Variants in NDUFAF6 observed in about 807,000 individuals in gnomAD.
NDUFAF6 encodes the protein NADH:ubiquinone oxidoreductase complex assembly factor 6.
In NDUFAF6, 45 loss-of-function variants were observed where a neutral mutation model predicts 40.8. The observed-to-expected ratio is 1.10, with a 90% CI of 0.87 to 1.42. The LOEUF is 1.42. Among genes scored for constraint, NDUFAF6 ranks in the 40% most tolerant of loss-of-function variants. The probability of loss-of-function intolerance (pLI) is 0.00; values close to 1 mark genes in which losing one functional copy is unlikely to be tolerated. For synonymous variants in NDUFAF6, 185 were observed against 155.9 expected (o/e 1.19, Z -1.39); for missense variants, 435 against 418.5 (o/e 1.04, Z -0.34).
chr8:94,900,084 A>G (rs1275372286), intron 1 of NDUFAF6, among the ~76,000 whole-genome samples: 2 of 152,102 alleles, frequency 1.3e-5, no homozygotes, highest in Non-Finnish European at 2.9e-5. Context: ...CCCTGTTCTG[A>G]AGTAGGACTT....
intron 1 of NDUFAF6, among the ~76,000 whole-genome samples, chr8:94,940,445 CTG>C (rs60473555): frequency 0.028 from 4,212 of 150,380 alleles, 91 homozygotes; most frequent in African/African-American, 0.056. Flanking sequence ...CACAGAAATT[CTG>C]TGTGTGTGTG....
chr8:95,034,300 G>A (rs1829222400), intron 2 of NDUFAF6, among the ~76,000 whole-genome samples: 1 of 152,084 alleles, frequency 6.6e-6, no homozygotes, highest in South Asian at 2.1e-4. Context: ...TAAGAATAAG[G>A]ATAATCTCTT....
At chr8:94,909,503 G>A (rs887551189) in intron 1 of NDUFAF6, among the ~76,000 whole-genome samples, 1 of 151,716 alleles carries the variant, frequency 6.6e-6, no homozygotes, top group South Asian at 2.1e-4. Flanking sequence ...GTGGGCGTCT[G>A]TAATCCTAGC....
chr8:94,923,656 C>T (rs1819650788), intron 1 of NDUFAF6, among the ~76,000 whole-genome samples: 2 of 151,378 alleles, frequency 1.3e-5, no homozygotes, highest in South Asian at 4.2e-4. Flanking sequence ...TGAAGTGTAG[C>T]TTACAATAGA....
chr8:95,011,195 G>A (rs1419858499), intron 2 of NDUFAF6, among the ~76,000 whole-genome samples: 6 of 152,180 alleles, frequency 3.9e-5, no homozygotes, highest in Non-Finnish European at 8.8e-5. Context: ...AGTGACACGT[G>A]CTAGCCACAC....
At chr8:95,002,820 C>G (rs563015049) in intron 2 of NDUFAF6, among the ~76,000 whole-genome samples, 1 of 152,198 alleles carries the variant, frequency 6.6e-6, no homozygotes, top group East Asian at 1.9e-4. Context: ...ATACAATTGA[C>G]AAGTCCAGGA....
At chr8:94,907,055 T>G (rs748363418) in intron 1 of NDUFAF6, among the ~76,000 whole-genome samples, 2 of 152,224 alleles carry the variant, frequency 1.3e-5, no homozygotes, top group Admixed American at 1.3e-4. Context: ...AAGTCCTTCA[T>G]GAAGCTTTCC....
chr8:94,915,597 T>C (rs1315413034), intron 1 of NDUFAF6, among the ~76,000 whole-genome samples: 1 of 152,206 alleles, frequency 6.6e-6, no homozygotes, highest in Non-Finnish European at 1.5e-5. Context: ...GTATTGGGAT[T>C]GTTGGGTCGA....
chr8:94,953,324 C>G (rs554456114), upstream of NDUFAF6, among the ~76,000 whole-genome samples: 1 of 146,242 alleles, frequency 6.8e-6, no homozygotes, highest in Non-Finnish European at 1.5e-5. Flanking sequence ...CCAGCCTGGG[C>G]AACAAGACGG....
chr8:95,108,616 G>A (rs1053067848), intron 4 of NDUFAF6, among the ~76,000 whole-genome samples: 1 of 152,150 alleles, frequency 6.6e-6, no homozygotes, highest in Non-Finnish European at 1.5e-5. Context: ...TGATGAAAAA[G>A]TTCTGGAGAT....
At chr8:95,072,416 T>A (rs1832896859) in intron 9 of NDUFAF6, among the ~76,000 whole-genome samples, 1 of 152,200 alleles carries the variant, frequency 6.6e-6, no homozygotes, top group Admixed American at 6.5e-5. Flanking sequence ...CTCATCTTAG[T>A]TACCCTTGTA....
At chr8:94,935,765 A>G (rs1251370913) in intron 1 of NDUFAF6, among the ~76,000 whole-genome samples, 1 of 152,226 alleles carries the variant, frequency 6.6e-6, no homozygotes, top group Non-Finnish European at 1.5e-5. Flanking sequence ...GCAAGGGTTG[A>G]TAGAATTATG....
chr8:94,946,077 C>A (rs1298754545), intron 2 of NDUFAF6, among the ~76,000 whole-genome samples: 1 of 150,186 alleles, frequency 6.7e-6, no homozygotes, highest in Non-Finnish European at 1.5e-5. Flanking sequence ...CTTGTTCCCA[C>A]CACTTAACAC....
chr8:95,094,335 CTA>C (rs1251934610), intron 2 of NDUFAF6, among the ~76,000 whole-genome samples: 4 of 148,416 alleles, frequency 2.7e-5, no homozygotes, highest in Non-Finnish European at 5.9e-5. Flanking sequence ...CCCAACTATT[CTA>C]TGTCTTTCCT....
chr8:94,950,651 C>T (rs1822520021), intron 2 of NDUFAF6: 1 of 152,166 alleles, frequency 6.6e-6, no homozygotes, highest in East Asian at 1.9e-4. Flanking sequence ...AAACTGTGTT[C>T]TAGATAGTCT....
Position 95,006,263 on chromosome 8 carries a change from C to CAGG in NDUFAF6, c.-84+25292_-84+25293insGAG, listed in dbSNP as rs1350981366. 2.6e-3 allele frequency among the ~76,000 whole-genome samples: 376 copies of CAGG among 143,340 alleles called. 4 individuals carry two copies. Among genetic ancestry groups the CAGG allele is most frequent in the African/African-American group, 9.3e-3 (358 of 38,304 alleles). 94.0% of individuals were successfully genotyped at this position (143,340 alleles called of 152,430 possible). ...ATCCCAGCTACTCAGGAGGCTGAGGCAGAATTGCTTGAACCTGGGAGGTGG... is the reference window on the plus strand; with the variant it reads ...ATCCCAGCTACTCAGGAGGCTGAGGCAGGAGAATTGCTTGAACCTGGGAGGTGG... On this transcript the variant is annotated intron_variant, in intron 2 of 9. Coordinates refer to the NDUFAF6 transcript ENST00000396111.
At chr8:95,033,765 T>A (rs1210149420) in intron 2 of NDUFAF6, among the ~76,000 whole-genome samples, 1 of 152,156 alleles carries the variant, frequency 6.6e-6, no homozygotes. Flanking sequence ...CAAAGAGTAT[T>A]CTAGGCAGAA....
At chr8:95,057,132 G>A (rs1169806285) in intron 8 of NDUFAF6, among the ~76,000 whole-genome samples, 1 of 152,144 alleles carries the variant, frequency 6.6e-6, no homozygotes, top group African/African-American at 2.4e-5. Flanking sequence ...GCTTAGAAAG[G>A]TGGAGCACAA....
At position 95,041,263 on chromosome 8, in the gene NDUFAF6, C is replaced by T. The variant is rs73276471; in HGVS notation, c.421-307C>T. 0.031 allele frequency among the ~76,000 whole-genome samples: 4,698 copies of T among 152,158 alleles called. 248 individuals carry two copies. The highest frequency in any genetic ancestry group is 0.11 in the African/African-American group (4,368 of 41,482). On this transcript the variant is annotated intron_variant, in intron 3 of 8. Coordinates refer to ENST00000396124, the MANE Select transcript of NDUFAF6 (RefSeq NM_152416.4). ...CAGGGTATATCACTTAATAGAGAAG[C>T]TCAGTACTTAATGCTTAATTCTGGT...
Sources: allele counts gnomAD v4.1 joint callset (sites outside exome capture counted in the v4.1 genomes callset), GRCh38; gene constraint gnomAD v4.1.1; transcripts MANE v1.5; gene names NCBI Gene and HGNC (gene_info 2026-07-23, HGNC 2026-07-21).